The following SCD5 variants were observed in gnomAD, a reference collection of about 807,000 sequenced individuals.
The protein encoded by SCD5 is acyl-CoA-desaturase 4.
Under a neutral mutation model 30.4 loss-of-function variants are expected in SCD5, and 20 were observed. The observed-to-expected ratio is 0.66, with a 90% confidence interval of 0.46 to 0.96. The LOEUF (loss-of-function observed/expected upper bound fraction) is 0.96. Among genes scored for constraint, SCD5 ranks in the 40% least tolerant of loss-of-function variants. The pLI, the probability that SCD5 is intolerant of heterozygous loss-of-function variation, is 0.00. For synonymous variants in SCD5, 173 were observed against 176.4 expected (o/e 0.98, Z 0.16); for missense variants, 381 against 443.3 (o/e 0.86, Z 1.26).
chr4:82,718,082 T>A (rs63149663), intron 1 of SCD5, among the ~76,000 whole-genome samples: 93,359 of 143,004 alleles, frequency 0.65, 31,492 homozygotes, highest in African/African-American at 0.85. Flanking sequence ...CTTTTTTTTT[T>A]AAAAAAAAAA....
At chr4:82,746,324 G>C (rs1720981452) in intron 1 of SCD5, among the ~76,000 whole-genome samples, 1 of 152,246 alleles carries the variant, frequency 6.6e-6, no homozygotes, top group Non-Finnish European at 1.5e-5. Flanking sequence ...TTAGGCTGAG[G>C]AGTGGCTTTC....
intron 3 of SCD5, among the ~76,000 whole-genome samples, chr4:82,637,538 G>A (rs1324587711): frequency 6.6e-6 from 1 of 152,246 alleles, no homozygotes; most frequent in Non-Finnish European, 1.5e-5. Flanking sequence ...ACAAAGACAA[G>A]TTAGGTGAAG....
chr4:82,726,563 T>C (rs1306073282), intron 1 of SCD5, among the ~76,000 whole-genome samples: 2 of 151,874 alleles, frequency 1.3e-5, no homozygotes, highest in Admixed American at 6.6e-5. Flanking sequence ...CAGCTGTTTT[T>C]TTTTTTTTAA....
intron 1 of SCD5, among the ~76,000 whole-genome samples, chr4:82,730,263 TTA>T (rs147870555): frequency 0.017 from 1,486 of 87,540 alleles, 17 homozygotes; most frequent in Non-Finnish European, 0.019. Flanking sequence ...TATTATACAT[TTA>T]TATATATAGT....
chr4:82,721,537 CA>C (rs1720368910), intron 1 of SCD5, among the ~76,000 whole-genome samples: 1 of 152,200 alleles, frequency 6.6e-6, no homozygotes, highest in South Asian at 2.1e-4. Flanking sequence ...AAAATGAGGT[CA>C]TGGGCAGGCA....
intron 2 of SCD5, chr4:82,698,159 G>T: frequency 2.2e-6 from 1 of 456,138 alleles, no homozygotes; most frequent in South Asian, 1.6e-5. Flanking sequence ...CTGATGTGCA[G>T]AAGAAAAGTT....
chr4:82,658,774 G>T (rs1236767121), intron 3 of SCD5, among the ~76,000 whole-genome samples: 1 of 151,692 alleles, frequency 6.6e-6, no homozygotes, highest in Non-Finnish European at 1.5e-5. Context: ...ATGTTCATCA[G>T]GGATATTGGC....
At chr4:82,684,573 G>A (rs1287905814) in intron 2 of SCD5, among the ~76,000 whole-genome samples, 3 of 152,134 alleles carry the variant, frequency 2.0e-5, no homozygotes, top group Non-Finnish European at 4.4e-5. Context: ...TGTTGAAAAG[G>A]TTTGGGTACC....
At chr4:82,718,621 A>C (rs1720285819) in intron 1 of SCD5, among the ~76,000 whole-genome samples, 1 of 151,834 alleles carries the variant, frequency 6.6e-6, no homozygotes, top group South Asian at 2.1e-4. Flanking sequence ...TTCTGGCTTA[A>C]ATAGAAAAAA....
chr4:82,696,127 T>C (rs552065509), intron 2 of SCD5, among the ~76,000 whole-genome samples: 2 of 152,312 alleles, frequency 1.3e-5, no homozygotes, highest in South Asian at 2.1e-4. Context: ...AATATTCAAA[T>C]GGAAGAAGGT....
intron 1 of SCD5, among the ~76,000 whole-genome samples, chr4:82,712,947 C>G (rs1333685155): frequency 6.6e-6 from 1 of 152,156 alleles, no homozygotes; most frequent in Middle Eastern, 3.2e-3. Context: ...AGAACATTTT[C>G]AAGGGTGTTG....
chr4:82,679,630 G>A (rs965482121), intron 3 of SCD5, among the ~76,000 whole-genome samples: 3 of 152,182 alleles, frequency 2.0e-5, no homozygotes, highest in African/African-American at 7.2e-5. Context: ...ACTTAGAGTG[G>A]TTGATTCATT....
chr4:82,766,649 T>C (rs1325342654), intron 1 of SCD5, among the ~76,000 whole-genome samples: 2 of 152,256 alleles, frequency 1.3e-5, no homozygotes, highest in Non-Finnish European at 2.9e-5. Flanking sequence ...AATTTTTTAT[T>C]GGATATCAGA....
chr4:82,783,629 C>A (rs1427087078), intron 1 of SCD5, among the ~76,000 whole-genome samples: 2 of 151,878 alleles, frequency 1.3e-5, no homozygotes, highest in Non-Finnish European at 2.9e-5. Flanking sequence ...CATGGAGAAA[C>A]CCCATCTCTA....
intron 3 of SCD5, among the ~76,000 whole-genome samples, chr4:82,664,566 G>A (rs553945512): frequency 6.6e-6 from 1 of 152,194 alleles, no homozygotes; most frequent in East Asian, 1.9e-4. Context: ...CATGTTAAAG[G>A]GATCTATGGA....
intron 1 of SCD5, among the ~76,000 whole-genome samples, chr4:82,737,431 C>T (rs1720775551): frequency 6.6e-6 from 1 of 152,042 alleles, no homozygotes; most frequent in Non-Finnish European, 1.5e-5. Flanking sequence ...TCACAATTTT[C>T]CCTCTAAGTC....
At chr4:82,741,790 C>G (rs1027922319) in intron 1 of SCD5, among the ~76,000 whole-genome samples, 6 of 146,578 alleles carry the variant, frequency 4.1e-5, no homozygotes, top group African/African-American at 1.0e-4. Context: ...ATTATTGAGA[C>G]CTGGCTCCGT....
chr4:82,715,213 G>A (rs544160637), intron 1 of SCD5, among the ~76,000 whole-genome samples: 34 of 150,346 alleles, frequency 2.3e-4, no homozygotes, highest in African/African-American at 7.7e-4. Context: ...CTGCAGCCTG[G>A]GTGACAGAGC....
intron 3 of SCD5, among the ~76,000 whole-genome samples, chr4:82,639,592 G>A (rs1727499883): frequency 6.6e-6 from 1 of 152,250 alleles, no homozygotes; most frequent in Admixed American, 6.5e-5. Context: ...CAAGACGTGG[G>A]AGCATCATCT....
Sources: allele counts gnomAD v4.1 joint callset (sites outside exome capture counted in the v4.1 genomes callset), GRCh38; gene constraint gnomAD v4.1.1; transcripts MANE v1.5; gene names NCBI Gene and HGNC (gene_info 2026-07-23, HGNC 2026-07-21).